RREB1: variants seen among roughly 807,000 people sequenced by gnomAD.
The protein encoded by RREB1 is ras responsive element binding protein 1.
RREB1 carries 27 observed loss-of-function variants against 117.8 expected under a neutral mutation model. The ratio of observed to expected loss-of-function variants is 0.23; its 90% confidence interval spans 0.17 to 0.32. RREB1 has a LOEUF of 0.32. RREB1 is among the 10% of genes least tolerant of loss of function. RREB1 has a pLI of 1.00. For synonymous variants in RREB1, 1,298 were observed against 1,026.7 expected (o/e 1.26, Z -5.05); for missense variants, 2,577 against 2,378.2 (o/e 1.08, Z -1.74).
chr6:7,222,236 A>G (rs1767305605), intron 8 of RREB1, among the ~76,000 whole-genome samples: 1 of 152,202 alleles, frequency 6.6e-6, no homozygotes, highest in South Asian at 2.1e-4. Context: ...GCTTGTTCAT[A>G]TACAGATTCT....
intron 1 of RREB1, among the ~76,000 whole-genome samples, chr6:7,171,398 C>T (rs755859106): frequency 2.6e-5 from 4 of 152,094 alleles, no homozygotes; most frequent in Admixed American, 6.5e-5. Flanking sequence ...TGATGCAGAG[C>T]GAGATTATTA....
At chr6:7,226,713 T>C in intron 9 of RREB1, 57 bp downstream of exon 9, 2 of 1,361,136 alleles carry the variant, frequency 1.5e-6, no homozygotes, top group Non-Finnish European at 2.1e-6. Flanking sequence ...TCCACACAGT[T>C]AGACCATGGG....
chr6:7,196,218 G>GTTTTTTTTTTTGTTTTTTTT (rs1765661799), intron 6 of RREB1, among the ~76,000 whole-genome samples: 1 of 121,470 alleles, frequency 8.2e-6, no homozygotes, highest in African/African-American at 3.2e-5. Context: ...TTTTTTTTTC[G>GTTTTTTTTTTTGTTTTTTTT]TTTTTTTTTT....
At chr6:7,220,364 T>C (rs1767176743) in intron 8 of RREB1, among the ~76,000 whole-genome samples, 1 of 152,250 alleles carries the variant, frequency 6.6e-6, no homozygotes, top group Admixed American at 6.5e-5. Context: ...AATGTCCATT[T>C]TGGATTCCGT....
At chr6:7,140,147 C>T (rs34630398) in intron 1 of RREB1, among the ~76,000 whole-genome samples, 6,233 of 152,266 alleles carry the variant, frequency 0.041, 187 homozygotes, top group Middle Eastern at 0.065. Flanking sequence ...TGTGGGCCTG[C>T]CACACGGCGT....
intron 6 of RREB1, among the ~76,000 whole-genome samples, chr6:7,204,174 A>T (rs936820485): frequency 4.6e-5 from 7 of 152,092 alleles, no homozygotes; most frequent in African/African-American, 1.7e-4. Context: ...ACCCTGGGAG[A>T]GCTGGTGTGA....
intron 6 of RREB1, among the ~76,000 whole-genome samples, chr6:7,200,188 GTGTGTGTGTATATATGTATGTA>G (rs1765874859): frequency 6.7e-6 from 1 of 148,712 alleles, no homozygotes; most frequent in African/African-American, 2.5e-5. Context: ...TTATATATAT[GTGTGTGTGTATATATGTATGTA>G]TGTGTGTGTA....
intron 1 of RREB1, among the ~76,000 whole-genome samples, chr6:7,110,423 G>T (rs1454717772): frequency 1.3e-5 from 2 of 152,136 alleles, no homozygotes; most frequent in East Asian, 3.9e-4. Context: ...GAAGGAATGG[G>T]TTCGAGCTAC....
At chr6:7,109,384 C>A (rs933539746) in intron 1 of RREB1, among the ~76,000 whole-genome samples, 3 of 152,240 alleles carry the variant, frequency 2.0e-5, no homozygotes, top group East Asian at 3.9e-4. Context: ...CGTCGCCGAC[C>A]CCCTCCCTGG....
intron 1 of RREB1, among the ~76,000 whole-genome samples, chr6:7,117,731 A>AT (rs1301136797): frequency 2.0e-5 from 3 of 151,822 alleles, no homozygotes; most frequent in Non-Finnish European, 4.4e-5. Context: ...TAAACAATGA[A>AT]TTTTTATTTT....
chr6:7,112,206 T>C (rs929011571), intron 1 of RREB1, among the ~76,000 whole-genome samples: 7 of 152,246 alleles, frequency 4.6e-5, no homozygotes, highest in Non-Finnish European at 7.3e-5. Flanking sequence ...ATAGGTGTGA[T>C]GTACATTACA....
intron 1 of RREB1, among the ~76,000 whole-genome samples, chr6:7,127,654 G>C (rs1477801000): frequency 6.6e-6 from 1 of 152,216 alleles, no homozygotes; most frequent in African/African-American, 2.4e-5. Flanking sequence ...TCAGTTGGGA[G>C]TGACTGCAGG....
intron 6 of RREB1, among the ~76,000 whole-genome samples, chr6:7,202,761 A>G (rs1351643882): frequency 6.6e-6 from 1 of 152,140 alleles, no homozygotes; most frequent in Non-Finnish European, 1.5e-5. Flanking sequence ...TGAGGTATCT[A>G]AGGCCTGTCC....
intron 4 of RREB1, among the ~76,000 whole-genome samples, chr6:7,186,110 G>T (rs187944071): frequency 2.0e-5 from 3 of 152,342 alleles, no homozygotes; most frequent in Admixed American, 2.0e-4. Flanking sequence ...GATGCCCGAG[G>T]ATAGGAAATG....
At position 7,248,853 on chromosome 6, in the gene RREB1, A is replaced by C; in HGVS notation, c.5114A>C (p.Asn1705Thr). The change falls in exon 13 of 13, where the codon AAC (asparagine) becomes ACC (threonine). Residue 1705 changes from asparagine (N) to threonine (T), a missense_variant. Asn to Thr is a moderately conservative substitution (Grantham distance 65). Transcript: ENST00000379938. ...WPSEPGQGDL[N>T]PESPAALGQD... is the part of the protein sequence containing the mutation. The stretch of plus-strand genomic sequence containing the variant: ...TCTGAGCCTGGCCAGGGTGACCTTA[A>C]CCCAGAGAGCCCGGCGGCCCTGGGG... 12 of 1,608,016 alleles carry C rather than the reference A, an allele frequency of 7.5e-6. No individual in the cohort carries two copies. Among genetic ancestry groups the C allele is most frequent in the Non-Finnish European group, 1.0e-5 (12 of 1,177,504 alleles).
chr6:7,148,350 T>C (rs993695386), intron 1 of RREB1, among the ~76,000 whole-genome samples: 2 of 151,898 alleles, frequency 1.3e-5, no homozygotes, highest in Non-Finnish European at 2.9e-5. Flanking sequence ...GCAGAAAAGA[T>C]GTTAGGGGAT....
At chr6:7,123,472 C>T (rs1024843623) in intron 1 of RREB1, among the ~76,000 whole-genome samples, 8 of 147,218 alleles carry the variant, frequency 5.4e-5, no homozygotes, top group Non-Finnish European at 1.2e-4. Context: ...GAAAGTTGAA[C>T]GTATTTTACA....
chr6:7,203,762 A>G lies in RREB1; in HGVS notation c.426-7042A>G, dbSNP rs76207590. Among the ~76,000 whole-genome samples, 1,364 of 152,290 alleles carry G rather than the reference A, an allele frequency of 9.0e-3. 22 individuals carry two copies. The highest frequency in any genetic ancestry group is 0.031 in the African/African-American group (1,274 of 41,570). ...AGTCAACAGATGAGAGACGTTCTCT[A>G]TTCTGGGGACGTATTGCCCTAGTAT... is the stretch of plus-strand genomic sequence containing the variant. On this transcript the variant is annotated intron_variant, in intron 6 of 12. Transcript: ENST00000379938.
rs1421884360 is a variant in RREB1 at position 7,246,771 on chromosome 6, G to A, written c.4321G>A (p.Ala1441Thr). Residue 1441 changes from alanine to threonine, a missense_variant, in exon 12 of 13, where the codon GCG (alanine) becomes ACG (threonine). By Grantham distance (58) the Ala-to-Thr change is moderately conservative (BLOSUM62 0). Coordinates refer to ENST00000379938, the MANE Select transcript of RREB1 (RefSeq NM_001003699.4). ...EGDGEAGAGG[A>T]ASQEQKLACD... ...CGACGGCGAGGCAGGCGCCGGGGGC[G>A]CGGCCTCGCAGGAGCAGAAGCTCGC... 12 of 1,554,250 alleles carry A rather than the reference G, an allele frequency of 7.7e-6. No homozygotes were observed. Among genetic ancestry groups the A allele is most frequent in the African/African-American group, 1.4e-5 (1 of 72,896 alleles).
Sources: gnomAD v4.1 joint callset for allele counts (sites outside exome capture counted in the v4.1 genomes callset) on GRCh38, gnomAD v4.1.1 for gene constraint, MANE v1.5 for transcripts, NCBI Gene and HGNC (gene_info 2026-07-23, HGNC 2026-07-21) for gene names.